NCAPH2: variants seen among roughly 807,000 people sequenced by gnomAD.
NCAPH2 encodes the protein non-SMC condensin II complex subunit H2, also known as condensin-2 complex subunit H2.
A neutral mutation model predicts 88.6 loss-of-function variants in NCAPH2; 56 were observed. The ratio of observed to expected loss-of-function variants is 0.63; its 90% CI spans 0.51 to 0.79. NCAPH2 has a LOEUF of 0.79. Among genes scored for constraint, NCAPH2 ranks in the 30% least tolerant of loss-of-function variants. The probability of loss-of-function intolerance (pLI) is 0.00; values close to 1 mark genes in which losing one functional copy is unlikely to be tolerated. For synonymous variants in NCAPH2, 378 were observed against 313.6 expected (o/e 1.21, Z -2.17); for missense variants, 794 against 792.0 (o/e 1.00, Z -0.03).
intron 12 of NCAPH2, 60 bp from the exon 13 acceptor site, chr22:50,521,926 C>G: frequency 6.2e-7 from 1 of 1,613,556 alleles, no homozygotes; most frequent in South Asian, 1.1e-5. Context: ...GATCAGCACC[C>G]TTTTCCCAAT....
rs61748568 is a variant in NCAPH2 at position 50,524,211 on chromosome 22, G to C, written c.*836G>C. ...GCCAGGCCCCACCGAGTCCAGCCCC[G>C]AACAGGCCTGTGATCAGCAGCCGGG... is the stretch of plus-strand genomic sequence containing the variant. On this transcript the variant is annotated 3_prime_UTR_variant, in exon 20 of 20. Coordinates refer to ENST00000420993, the MANE Select transcript of NCAPH2 (RefSeq NM_152299.4). 2 of 1,608,210 alleles carry C rather than the reference G, an allele frequency of 1.2e-6. No homozygotes were observed. The highest frequency in any genetic ancestry group is 3.3e-5 in the Admixed American group (2 of 60,020).
rs762908039 is a variant in NCAPH2, at chr22:50,523,758, C to T, written c.*383C>T. ...CAATGGAGTGGTCCACGATGTAGTCCTGGTCCTCATCCTTGGGGCCTGCAT... is the reference window on the plus strand; with the variant it reads ...CAATGGAGTGGTCCACGATGTAGTCTTGGTCCTCATCCTTGGGGCCTGCAT... On this transcript the variant is annotated 3_prime_UTR_variant, in exon 20 of 20. Coordinates refer to ENST00000420993, the MANE Select transcript of NCAPH2 (RefSeq NM_152299.4). 6.2e-7 allele frequency: 1 copy of T among 1,614,190 alleles called. No individual in the cohort carries two copies. The highest frequency in any genetic ancestry group is 8.5e-7 in the Non-Finnish European group (1 of 1,180,024).
At chr22:50,516,995 G>C (rs1299865442) in intron 2 of NCAPH2, among the ~76,000 whole-genome samples, 5 of 152,246 alleles carry the variant, frequency 3.3e-5, no homozygotes, top group African/African-American at 1.2e-4. Flanking sequence ...AGCTGGGACA[G>C]GGCAGGGCCA....
chr22:50,521,060 C>G, intron 10 of NCAPH2, 24 bp downstream of exon 10: 1 of 1,548,452 alleles, frequency 6.5e-7, no homozygotes, highest in Non-Finnish European at 8.7e-7. Context: ...GGCCCTGACC[C>G]CCGGCAGGGA....
intron 1 of NCAPH2, among the ~76,000 whole-genome samples, chr22:50,512,160 G>A (rs1403736312): frequency 6.6e-6 from 1 of 152,256 alleles, no homozygotes; most frequent in Non-Finnish European, 1.5e-5. Context: ...CCAGGGCAGG[G>A]ACCATACTTA....
At chr22:50,512,141 T>C (rs186483120) in intron 1 of NCAPH2, among the ~76,000 whole-genome samples, 51 of 152,352 alleles carry the variant, frequency 3.3e-4, no homozygotes, top group Non-Finnish European at 5.9e-4. Context: ...CCCTAGAATG[T>C]GAATTCTGCC....
At position 50,522,588 on chromosome 22, in the gene NCAPH2, AG is replaced by A. The variant is rs1446976754; in HGVS notation, c.1375+21del. ...GACCTTGGTAGGTGGGCAGCGGGCT[AG>A]GAGTGCTGAGGGGCCACTGGAGCTG... is the stretch of plus-strand genomic sequence containing the variant. On this transcript the variant is annotated intron_variant, in intron 16 of 19. Coordinates refer to ENST00000420993, the MANE Select transcript of NCAPH2 (RefSeq NM_152299.4). 2 of 1,613,526 alleles carry A rather than the reference AG, an allele frequency of 1.2e-6. No homozygotes were observed. The highest frequency in any genetic ancestry group is 1.7e-6 in the Non-Finnish European group (2 of 1,179,936).
chr22:50,508,491 CT>C (rs1237609412), intron 1 of NCAPH2, 46 bp downstream of exon 1: 10 of 740,568 alleles, frequency 1.4e-5, no homozygotes, highest in African/African-American at 1.2e-4. Flanking sequence ...GCGGGTGGGG[CT>C]GCGGGGCGGG....
At chr22:50,514,313 A>G (rs2068860445) in intron 1 of NCAPH2, among the ~76,000 whole-genome samples, 1 of 150,290 alleles carries the variant, frequency 6.7e-6, no homozygotes, top group African/African-American at 2.5e-5. Context: ...ACGGGAGGGG[A>G]GTGAAGGGCA....
intron 2 of NCAPH2, 83 bp downstream of exon 2, chr22:50,516,631 G>T: frequency 1.6e-6 from 2 of 1,278,444 alleles, no homozygotes. Flanking sequence ...AGGTGCAGTG[G>T]TCGTCCCGTC....
chr22:50,521,652 G>T (rs747342778), intron 11 of NCAPH2, 43 bp downstream of exon 11: 77 of 1,612,330 alleles, frequency 4.8e-5, no homozygotes, highest in Non-Finnish European at 6.3e-5. Flanking sequence ...CCCCTGGCTG[G>T]GTTTCCTGGG....
chr22:50,515,557 C>T (rs907183520), intron 1 of NCAPH2, among the ~76,000 whole-genome samples: 1 of 152,120 alleles, frequency 6.6e-6, no homozygotes, highest in Non-Finnish European at 1.5e-5. Flanking sequence ...CCACCACGCC[C>T]AGCTAATTTT....
intron 1 of NCAPH2, chr22:50,515,665 G>T (rs947449644): frequency 2.4e-6 from 3 of 1,243,362 alleles, no homozygotes; most frequent in Admixed American, 5.8e-5. Flanking sequence ...CAAAGTGCTG[G>T]GATTACAGGT....
intron 7 of NCAPH2, 80 bp downstream of exon 7, chr22:50,518,358 TG>T: frequency 1.9e-6 from 3 of 1,551,822 alleles, no homozygotes. Flanking sequence ...GCCCTGTGCT[TG>T]CCACCTCTGG....
At chr22:50,508,826 C>A (rs1054441140) in intron 1 of NCAPH2, among the ~76,000 whole-genome samples, 6 of 152,210 alleles carry the variant, frequency 3.9e-5, no homozygotes, top group Admixed American at 2.0e-4. Flanking sequence ...AATTTTTTAT[C>A]TTGGATTTTC....
chr22:50,516,685 A>C (rs962488547), intron 2 of NCAPH2, 137 bp downstream of exon 2: 5 of 697,008 alleles, frequency 7.2e-6, no homozygotes, highest in Middle Eastern at 3.9e-4. Context: ...CCAATTCCTC[A>C]GCACCTTCCA....
chr22:50,516,729 AG>A (rs1875503171), intron 2 of NCAPH2, among the ~76,000 whole-genome samples, 181 bp downstream of exon 2: 1 of 152,184 alleles, frequency 6.6e-6, no homozygotes, highest in South Asian at 2.1e-4. Context: ...AAAATCGCAC[AG>A]CCAGGCAGGG....
chr22:50,508,555 C>T lies in NCAPH2; in HGVS notation c.108+110C>T, dbSNP rs1203721405. The T allele has an allele frequency of 1.4e-5, 10 of 727,368 alleles. No individual in the cohort carries two copies. The African/African-American group carries it at 1.5e-4, about 11-fold the overall frequency. The allele number at this position is 727,368 out of a possible 1,614,324, so 45.1% of individuals were successfully genotyped here. ...CCACCGTCTCCACGCCTATGGCTAT[C>T]TGGCGCTCTGGCCGCGCAGGTCCTC... On this transcript the variant is annotated intron_variant, in intron 1 of 19. Coordinates refer to ENST00000420993, the MANE Select transcript of NCAPH2 (RefSeq NM_152299.4).
At chr22:50,518,817 G>A in intron 8 of NCAPH2, 85 bp downstream of exon 8, 1 of 1,330,342 alleles carries the variant, frequency 7.5e-7, no homozygotes. Context: ...GGGCTCCAAG[G>A]GGCTGCTCTC....
Sources: allele counts gnomAD v4.1 joint callset (sites outside exome capture counted in the v4.1 genomes callset), GRCh38; gene constraint gnomAD v4.1.1; transcripts MANE v1.5; gene names NCBI Gene and HGNC (gene_info 2026-07-23, HGNC 2026-07-21).